Variants in TRPM1 observed in about 807,000 individuals in gnomAD.
The protein encoded by TRPM1 is TRPM1-203 APA Isoform, Intron 10.
A neutral mutation model predicts 149.4 loss-of-function variants in TRPM1; 113 were observed. The ratio of observed to expected loss-of-function variants is 0.76; its 90% CI spans 0.65 to 0.88. TRPM1 has a LOEUF of 0.88. TRPM1 is among the 40% of genes least tolerant of loss of function. The probability of loss-of-function intolerance (pLI) is 0.00; values close to 1 mark genes in which losing one functional copy is unlikely to be tolerated. For missense variants in TRPM1, 1,976 were observed against 2,038.7 expected (o/e 0.97, Z 0.59); for synonymous variants, 741 against 759.5 (o/e 0.98, Z 0.40).
intron 1 of TRPM1, among the ~76,000 whole-genome samples, chr15:31,098,330 G>T (rs11070808): frequency 1.4e-4 from 21 of 152,110 alleles, no homozygotes; most frequent in Non-Finnish European, 2.6e-4. Flanking sequence ...ATCCCAGCTA[G>T]TTGGCAGGAG....
At chr15:31,108,783 C>T (rs1441725982) in intron 1 of TRPM1, among the ~76,000 whole-genome samples, 6 of 152,340 alleles carry the variant, frequency 3.9e-5, no homozygotes, top group Non-Finnish European at 7.3e-5. Flanking sequence ...CATGAGCCAC[C>T]GTGCCCAGCC....
chr15:31,100,618 T>C (rs968388742), intron 1 of TRPM1, among the ~76,000 whole-genome samples: 8 of 152,092 alleles, frequency 5.3e-5, no homozygotes, highest in Non-Finnish European at 1.2e-4. Context: ...AAAGAATAAA[T>C]AAACACCACC....
chr15:31,024,428 T>C (rs1466207976), intron 27 of TRPM1, among the ~76,000 whole-genome samples: 5 of 152,184 alleles, frequency 3.3e-5, no homozygotes, highest in African/African-American at 1.2e-4. Flanking sequence ...GGCATTCACC[T>C]GTGAGTCAGC....
chr15:31,063,084 G>A (rs760416866), intron 8 of TRPM1, 34 bp downstream of exon 8: 4 of 1,613,560 alleles, frequency 2.5e-6, no homozygotes, highest in East Asian at 2.2e-5. Flanking sequence ...AGGGAGTTAC[G>A]AACCCGCCCT....
intron 1 of TRPM1, among the ~76,000 whole-genome samples, chr15:31,145,591 C>T (rs1156903688): frequency 6.6e-6 from 1 of 152,248 alleles, no homozygotes; most frequent in South Asian, 2.1e-4. Context: ...AGAGGTAGCA[C>T]TCTCTTTTTT....
intron 15 of TRPM1, 124 bp from the exon 16 acceptor site, chr15:31,046,357 A>G: frequency 8.2e-6 from 7 of 854,248 alleles, no homozygotes; most frequent in Non-Finnish European, 1.4e-5. Flanking sequence ...ATCATTAACA[A>G]TTAATGATAA....
chr15:31,132,505 G>A (rs1248451132), intron 1 of TRPM1, among the ~76,000 whole-genome samples: 3 of 152,182 alleles, frequency 2.0e-5, no homozygotes, highest in Admixed American at 6.5e-5. Context: ...TTTGTTTGTC[G>A]CTGTGATAAC....
chr15:31,025,405 T>C (rs2032690280), intron 27 of TRPM1, among the ~76,000 whole-genome samples: 1 of 152,182 alleles, frequency 6.6e-6, no homozygotes, highest in African/African-American at 2.4e-5. Context: ...TAGCTTAGGG[T>C]AGAGCAATAC....
At chr15:31,153,203 T>A (rs528246799) in intron 1 of TRPM1, among the ~76,000 whole-genome samples, 31 of 152,364 alleles carry the variant, frequency 2.0e-4, no homozygotes, top group African/African-American at 7.0e-4. Context: ...CACCTTTTTA[T>A]GTCTGATAAG....
At chr15:31,053,459 C>T (rs374350818) in intron 11 of TRPM1, among the ~76,000 whole-genome samples, 18 of 143,406 alleles carry the variant, frequency 1.3e-4, no homozygotes, top group Admixed American at 1.1e-3. Context: ...GACGGGGTTT[C>T]GCCATGTTGG....
At chr15:31,030,393 T>G (rs2033011986) in intron 23 of TRPM1, among the ~76,000 whole-genome samples, 1 of 152,194 alleles carries the variant, frequency 6.6e-6, no homozygotes, top group Non-Finnish European at 1.5e-5. Flanking sequence ...GAGCTTTACA[T>G]TCCTTCAATC....
intron 1 of TRPM1, among the ~76,000 whole-genome samples, chr15:31,086,775 A>G (rs2035012628): frequency 6.6e-6 from 1 of 152,242 alleles, no homozygotes; most frequent in Non-Finnish European, 1.5e-5. Flanking sequence ...TTAAAAGTGT[A>G]TATATCTGAC....
In TRPM1 at chr15:31,050,432, G is replaced by T. The variant is rs371853965; in HGVS notation, c.1414C>A (p.Arg472=). Residue 472 remains arginine, a synonymous_variant, in exon 12 of 28, where the codon CGG becomes AGG. Coordinates refer to ENST00000256552, the MANE Select transcript of TRPM1 (RefSeq NM_001252024.2). ...KEEVEEETDP[R]KIELLNWVNA... is the part of the protein sequence containing the mutation. Reference sequence around the variant, plus strand: ...ACCCAGTTCAGCAGCTCTATCTTCCGGGGGTCAGTTTCTTCCTCCACTTCC... The same window carrying T: ...ACCCAGTTCAGCAGCTCTATCTTCCTGGGGTCAGTTTCTTCCTCCACTTCC... 1.2e-6 allele frequency: 2 copies of T among 1,614,018 alleles called. No homozygotes were observed. Among genetic ancestry groups the T allele is most frequent in the Non-Finnish European group, 1.7e-6 (2 of 1,179,988 alleles).
At chr15:31,043,638 G>T (rs533474918) in intron 16 of TRPM1, among the ~76,000 whole-genome samples, 1 of 151,512 alleles carries the variant, frequency 6.6e-6, no homozygotes, top group South Asian at 2.1e-4. Context: ...TATGGGAAAG[G>T]TTCATCTACA....
rs531011917 is a variant in TRPM1, at chr15:31,131,802, A to G, written c.54+29104T>C. ...CACTTGGGCCCCCAGCTGTTTTCACACTTCCAGCACCAGGCTCGCCCCCAC... is the reference window on the plus strand; with the variant it reads ...CACTTGGGCCCCCAGCTGTTTTCACGCTTCCAGCACCAGGCTCGCCCCCAC... On this transcript the variant is annotated intron_variant, in intron 1 of 26. Transcript: ENST00000542188. Among the ~76,000 whole-genome samples the G allele has an allele frequency of 2.2e-4, 33 of 152,200 alleles. No homozygotes were observed. In the East Asian group the frequency reaches 3.9e-3, roughly 18 times the overall value.
intron 1 of TRPM1, among the ~76,000 whole-genome samples, chr15:31,092,265 G>A (rs1006341060): frequency 3.9e-5 from 6 of 152,148 alleles, no homozygotes; most frequent in Admixed American, 1.3e-4. Context: ...CCACCGTGAC[G>A]GTCCCACAGA....
At chr15:31,049,294 C>T in intron 13 of TRPM1, 81 bp downstream of exon 13, 1 of 1,603,778 alleles carries the variant, frequency 6.2e-7, no homozygotes, top group East Asian at 2.2e-5. Context: ...CAGATGAGCA[C>T]ATTTATGCAC....
chr15:31,008,401 T>C (rs2032069843), intron 27 of TRPM1, among the ~76,000 whole-genome samples: 1 of 152,246 alleles, frequency 6.6e-6, no homozygotes, highest in Non-Finnish European at 1.5e-5. Context: ...ATTTTTATCA[T>C]CATGATGTTG....
intron 1 of TRPM1, among the ~76,000 whole-genome samples, chr15:31,140,148 C>A (rs2036140621): frequency 6.6e-6 from 1 of 151,294 alleles, no homozygotes; most frequent in Non-Finnish European, 1.5e-5. Flanking sequence ...GGGTGGATCA[C>A]CTGAGGACAG....
Sources: allele counts gnomAD v4.1 joint callset (sites outside exome capture counted in the v4.1 genomes callset), GRCh38; gene constraint gnomAD v4.1.1; transcripts MANE v1.5; gene names NCBI Gene and HGNC (gene_info 2026-07-23, HGNC 2026-07-21).